The following MLYCD variants were observed in gnomAD, a reference collection of about 807,000 sequenced individuals.
MLYCD encodes malonyl-CoA decarboxylase, mitochondrial.
MLYCD carries 27 observed loss-of-function variants against 35.8 expected under a neutral mutation model. The observed-to-expected ratio is 0.75, with a 90% CI of 0.56 to 1.04. The LOEUF (loss-of-function observed/expected upper bound fraction) is 1.04, where lower values mean the gene tolerates loss of function less well. Among genes scored for constraint, MLYCD ranks in the 50% least tolerant of loss-of-function variants. MLYCD has a pLI of 0.00. For missense variants in MLYCD, 917 were observed against 665.1 expected (o/e 1.38, Z -4.17); for synonymous variants, 403 against 302.4 (o/e 1.33, Z -3.45).
chr16:83,911,638 T>G (rs1324246577), intron 3 of MLYCD: 1 of 158,202 alleles, frequency 6.3e-6, no homozygotes, highest in African/African-American at 2.4e-5. Context: ...TGCAAATGTG[T>G]TACCATTTAG....
In MLYCD at chr16:83,899,274, C is replaced by A; in HGVS notation, c.130C>A (p.Leu44Met). 1 of 1,464,732 alleles carries A rather than the reference C, an allele frequency of 6.8e-7. No homozygotes were observed. Among genetic ancestry groups the A allele is most frequent in the Non-Finnish European group, 9.0e-7 (1 of 1,113,376 alleles). 90.7% of individuals were successfully genotyped at this position (1,464,732 alleles called of 1,614,324 possible). A position where few individuals can be genotyped will look rare whatever the true frequency, so the allele number is the denominator to read the frequency against. ...CCTGGAGCGGGCCATGGACGAGCTGCTGCGCCGCGCGGTGCCGCCGACGCC... is the reference window on the plus strand; with the variant it reads ...CCTGGAGCGGGCCATGGACGAGCTGATGCGCCGCGCGGTGCCGCCGACGCC... ...GALERAMDELLRRAVPPTPAY... is the reference protein window; with the variant it reads ...GALERAMDELMRRAVPPTPAY... The change falls in exon 1 of 5, where the codon CTG becomes ATG. Residue 44 changes from leucine to methionine, a missense_variant. Physicochemically the swap from Leu to Met is conservative, Grantham distance 15. Transcript: ENST00000262430.
chr16:83,910,548 G>C (rs1907137925), intron 3 of MLYCD, among the ~76,000 whole-genome samples: 2 of 151,996 alleles, frequency 1.3e-5, no homozygotes, highest in African/African-American at 2.4e-5. Context: ...AAATTAGCCG[G>C]GTGTGGTGGT....
At chr16:83,904,551 A>G (rs905922103) in intron 1 of MLYCD, among the ~76,000 whole-genome samples, 3 of 152,144 alleles carry the variant, frequency 2.0e-5, no homozygotes, top group African/African-American at 4.8e-5. Context: ...CCATTTTTCC[A>G]TCTTTTTCAT....
At position 83,922,534 on chromosome 16, in the gene MLYCD, G is replaced by C. The variant is rs1907688619; in HGVS notation, c.*7045G>C. The C allele has an allele frequency of 6.6e-6, 1 of 152,308 alleles. No individual in the cohort carries two copies. The highest frequency in any genetic ancestry group is 2.4e-5 in the African/African-American group (1 of 41,460). The allele number at this position is 152,308 out of a possible 1,614,324, so 9.4% of individuals were successfully genotyped here. A position where few individuals can be genotyped will look rare whatever the true frequency, so the allele number is the denominator to read the frequency against. On this transcript the variant is annotated 3_prime_UTR_variant, in exon 5 of 5. Coordinates refer to ENST00000262430, the MANE Select transcript of MLYCD (RefSeq NM_012213.3). ...GCTCCGGCCAGTGCCCAGTTCAAATGCTGGCCCCACCACTTCCAGCTGGGT... is the reference window on the plus strand; with the variant it reads ...GCTCCGGCCAGTGCCCAGTTCAAATCCTGGCCCCACCACTTCCAGCTGGGT...
chr16:83,922,231 C>T lies in MLYCD; in HGVS notation c.*6742C>T, dbSNP rs1164112561. On this transcript the variant is annotated 3_prime_UTR_variant, in exon 5 of 5. Coordinates refer to ENST00000262430, the MANE Select transcript of MLYCD (RefSeq NM_012213.3). ...TGTGCTTCCGGAGCCCGCGTCCCGT[C>T]CCATCTCAGGAGCTACTCTGCTCCA... is the stretch of plus-strand genomic sequence containing the variant. 6.6e-6 allele frequency: 1 copy of T among 152,130 alleles called. No homozygotes were observed. Among genetic ancestry groups the T allele is most frequent in the African/African-American group, 2.4e-5 (1 of 41,412 alleles). The allele number at this position is 152,130 out of a possible 1,614,324, so 9.4% of individuals were successfully genotyped here. A position where few individuals can be genotyped will look rare whatever the true frequency, so the allele number is the denominator to read the frequency against.
rs1232111268 is a variant in MLYCD at position 83,919,686 on chromosome 16, A to C, written c.*4197A>C. On this transcript the variant is annotated 3_prime_UTR_variant, in exon 5 of 5. Transcript: ENST00000262430. ...GAACACGGTTCACAGGAGAACACAC[A>C]GTGCACAGAACACACGGGGCACAGG... The C allele has an allele frequency of 6.6e-6, 1 of 151,326 alleles. No homozygotes were observed. Among genetic ancestry groups the C allele is most frequent in the Non-Finnish European group, 1.5e-5 (1 of 68,422 alleles). The allele number at this position is 151,326 out of a possible 1,614,324, so 9.4% of individuals were successfully genotyped here. A position where few individuals can be genotyped will look rare whatever the true frequency, so the allele number is the denominator to read the frequency against.
chr16:83,903,629 C>T lies in MLYCD; in HGVS notation c.529-3358C>T, dbSNP rs555924416. 5.0e-4 allele frequency among the ~76,000 whole-genome samples: 76 copies of T among 152,306 alleles called. 2 individuals carry two copies. In the South Asian group the frequency reaches 0.015, roughly 31 times the overall value. On this transcript the variant is annotated intron_variant, in intron 1 of 4. Coordinates refer to ENST00000262430, the MANE Select transcript of MLYCD (RefSeq NM_012213.3). Reference sequence around the variant, plus strand: ...GTGGGCTGGTCTAAACGGTGTCATACAAGTCAATGGAATTAACAATACACA... The same window carrying T: ...GTGGGCTGGTCTAAACGGTGTCATATAAGTCAATGGAATTAACAATACACA...
chr16:83,925,660 C>CTG lies in MLYCD; in HGVS notation c.*10172_*10173dup, dbSNP rs943715895. ...GCCTGCTGTGGCCTGACCCTCCCCTCTGCTTTTCCAGGCCCTCCTGGCACT... is the reference window on the plus strand; with the variant it reads ...GCCTGCTGTGGCCTGACCCTCCCCTCTGTGCTTTTCCAGGCCCTCCTGGCACT... On this transcript the variant is annotated 3_prime_UTR_variant, in exon 5 of 5. Coordinates refer to ENST00000262430, the MANE Select transcript of MLYCD (RefSeq NM_012213.3). 2.6e-5 allele frequency: 4 copies of CTG among 152,422 alleles called. No homozygotes were observed. The highest frequency in any genetic ancestry group is 9.7e-5 in the African/African-American group (4 of 41,398). The allele number at this position is 152,422 out of a possible 1,614,324, so 9.4% of individuals were successfully genotyped here.
rs1403153305 is a variant in MLYCD at position 83,899,183 on chromosome 16, C to CCTCCCGCTGCGGTTG, written c.41_55dup (p.Leu14_Leu18dup). On this transcript the variant is annotated inframe_insertion, in exon 1 of 5. Transcript: ENST00000262430. ...GGCCAGGCTTGACGGCCAGGCGTCT[C>CCTCCCGCTGCGGTTG]CTCCCGCTGCGGTTGCCCCCGCGGC... 8.5e-7 allele frequency: 1 copy of CCTCCCGCTGCGGTTG among 1,171,534 alleles called. No individual in the cohort carries two copies. The highest frequency in any genetic ancestry group is 1.0e-6 in the Non-Finnish European group (1 of 952,856). 72.6% of individuals were successfully genotyped at this position (1,171,534 alleles called of 1,614,324 possible).
rs1033861271 is a variant in MLYCD at position 83,921,162 on chromosome 16, TGGAA to T, written c.*5679_*5682del. 9.9e-5 allele frequency: 14 copies of T among 141,100 alleles called. No homozygotes were observed. Among genetic ancestry groups the T allele is most frequent in the Admixed American group, 2.1e-4 (3 of 14,082 alleles). 8.7% of individuals were successfully genotyped at this position (141,100 alleles called of 1,614,324 possible). ...GAAGGAAGATGGATGGACGAATAGA[TGGAA>T]GGAAGATGGGTGGATGGAAGGAAGA... On this transcript the variant is annotated 3_prime_UTR_variant, in exon 5 of 5. Coordinates refer to ENST00000262430, the MANE Select transcript of MLYCD (RefSeq NM_012213.3).
At chr16:83,914,767 A>G in intron 4 of MLYCD, 189 bp from the exon 5 acceptor site, 1 of 794,024 alleles carries the variant, frequency 1.3e-6, no homozygotes, top group Non-Finnish European at 2.0e-6. Flanking sequence ...CAATAGAGCA[A>G]GACCCTGACT....
chr16:83,912,515 C>G, intron 4 of MLYCD, 148 bp downstream of exon 4: 1 of 1,035,862 alleles, frequency 9.7e-7, no homozygotes, highest in Non-Finnish European at 1.4e-6. Flanking sequence ...CCAGAGACCC[C>G]TTGGCAACTC....
chr16:83,905,388 G>A (rs1036662297), intron 1 of MLYCD, among the ~76,000 whole-genome samples: 1 of 152,154 alleles, frequency 6.6e-6, no homozygotes, highest in East Asian at 1.9e-4. Context: ...CTGTTACTAT[G>A]TAGTTTATGA....
chr16:83,903,187 G>A (rs929241510), intron 1 of MLYCD, among the ~76,000 whole-genome samples: 1 of 152,148 alleles, frequency 6.6e-6, no homozygotes, highest in Non-Finnish European at 1.5e-5. Flanking sequence ...AGGGTGGAAT[G>A]AGAGGTGCTC....
intron 2 of MLYCD, among the ~76,000 whole-genome samples, chr16:83,907,778 C>T (rs1407054291): frequency 2.0e-5 from 3 of 152,136 alleles, no homozygotes; most frequent in East Asian, 1.9e-4. Context: ...GCAGCACTGA[C>T]GGCTTCACAG....
In MLYCD at chr16:83,899,268, G is replaced by C; in HGVS notation, c.124G>C (p.Glu42Gln). The C allele has an allele frequency of 6.9e-7, 1 of 1,453,408 alleles. No homozygotes were observed. 90.0% of individuals were successfully genotyped at this position (1,453,408 alleles called of 1,614,324 possible). A position where few individuals can be genotyped will look rare whatever the true frequency, so the allele number is the denominator to read the frequency against. ...AAGALERAMD[E>Q]LLRRAVPPTP... ...CGGCGCCCTGGAGCGGGCCATGGAC[G>C]AGCTGCTGCGCCGCGCGGTGCCGCC... is the stretch of plus-strand genomic sequence containing the variant. Residue 42 changes from glutamate to glutamine, a missense_variant, in exon 1 of 5, where the codon GAG becomes CAG. Glu to Gln is a conservative substitution (Grantham distance 29). Transcript: ENST00000262430.
intron 3 of MLYCD, among the ~76,000 whole-genome samples, chr16:83,909,855 A>G (rs1166226239): frequency 1.3e-5 from 2 of 150,306 alleles, no homozygotes; most frequent in Non-Finnish European, 3.0e-5. Flanking sequence ...CTGGTCTCGA[A>G]CTCCCGACCT....
Position 83,899,676 on chromosome 16 carries a change from AG to A in MLYCD, c.528+8del, listed in dbSNP as rs1192718101. 9 of 1,517,176 alleles carry A rather than the reference AG, an allele frequency of 5.9e-6. No individual in the cohort carries two copies. The highest frequency in any genetic ancestry group is 7.9e-6 in the Non-Finnish European group (9 of 1,138,552). 94.0% of individuals were successfully genotyped at this position (1,517,176 alleles called of 1,614,324 possible). ...GGTGGAGGGGCCGGACGTCCGGGTA[AG>A]GGGCCGCCGTCGATCCCCCGGCAGC... On this transcript the variant is annotated splice_donor_5th_base_variant and intron_variant, in intron 1 of 4. Transcript: ENST00000262430.
Position 83,919,260 on chromosome 16 carries a change from G to C in MLYCD, c.*3771G>C, listed in dbSNP as rs1907558547. On this transcript the variant is annotated 3_prime_UTR_variant, in exon 5 of 5. Coordinates refer to ENST00000262430, the MANE Select transcript of MLYCD (RefSeq NM_012213.3). The stretch of plus-strand genomic sequence containing the variant: ...CACACTGCACAGGAGACCATGCACA[G>C]TGCACAGGAGAATACACATGGTGCA... The C allele has an allele frequency of 6.9e-6, 1 of 145,654 alleles. No individual in the cohort carries two copies. Among genetic ancestry groups the C allele is most frequent in the Non-Finnish European group, 1.5e-5 (1 of 67,166 alleles). The allele number at this position is 145,654 out of a possible 1,614,324, so 9.0% of individuals were successfully genotyped here. A position where few individuals can be genotyped will look rare whatever the true frequency, so the allele number is the denominator to read the frequency against.
Sources: gnomAD v4.1 joint callset for allele counts (sites outside exome capture counted in the v4.1 genomes callset) on GRCh38, gnomAD v4.1.1 for gene constraint, MANE v1.5 for transcripts, NCBI Gene and HGNC (gene_info 2026-07-23, HGNC 2026-07-21) for gene names.